Variants in ZRANB3 observed in about 807,000 individuals in gnomAD.
The protein encoded by ZRANB3 is zinc finger RANBP2-type containing 3, also known as DNA annealing helicase and endonuclease ZRANB3.
Under a neutral mutation model 133.8 loss-of-function variants are expected in ZRANB3, and 125 were observed. The observed-to-expected ratio is 0.93, with a 90% CI of 0.81 to 1.08. The LOEUF is 1.08. ZRANB3 is among the 50% of genes least tolerant of loss of function. The pLI, the probability that ZRANB3 is intolerant of heterozygous loss-of-function variation, is 0.00. For synonymous variants in ZRANB3, 387 were observed against 432.7 expected, an observed-to-expected ratio of 0.89 and a Z score of 1.31; for missense variants, 1,229 against 1,275.5, an observed-to-expected ratio of 0.96 and a Z score of 0.56.
intron 2 of ZRANB3, among the ~76,000 whole-genome samples, chr2:135,468,977 T>C (rs1691127242): frequency 6.6e-6 from 1 of 152,164 alleles, no homozygotes; most frequent in Non-Finnish European, 1.5e-5. Flanking sequence ...AATGGAACCA[T>C]ACACGTTAAA....
chr2:135,276,709 A>G (rs1680844429), intron 8 of ZRANB3, among the ~76,000 whole-genome samples: 1 of 152,208 alleles, frequency 6.6e-6, no homozygotes, highest in African/African-American at 2.4e-5. Context: ...AGAGAACTGG[A>G]GAAAAGTCAA....
chr2:135,438,355 ATTAGC>A (rs760525922), intron 2 of ZRANB3, among the ~76,000 whole-genome samples: 5 of 152,058 alleles, frequency 3.3e-5, no homozygotes, highest in Non-Finnish European at 7.4e-5. Context: ...AAATAAAAAA[ATTAGC>A]CAAGCATGGT....
intron 2 of ZRANB3, among the ~76,000 whole-genome samples, chr2:135,419,186 C>CGT (rs1688728355): frequency 6.6e-6 from 1 of 151,860 alleles, no homozygotes; most frequent in African/African-American, 2.4e-5. Flanking sequence ...ATCCACCCGC[C>CGT]TCAACCTCCC....
At chr2:135,412,025 C>G (rs1688325651) in intron 2 of ZRANB3, among the ~76,000 whole-genome samples, 1 of 152,132 alleles carries the variant, frequency 6.6e-6, no homozygotes, top group African/African-American at 2.4e-5. Flanking sequence ...CTTACTTAAA[C>G]TAAGGGCTTA....
chr2:135,424,678 A>G (rs1461766469), intron 2 of ZRANB3, among the ~76,000 whole-genome samples: 1 of 152,240 alleles, frequency 6.6e-6, no homozygotes, highest in Non-Finnish European at 1.5e-5. Flanking sequence ...GGTTGCAATG[A>G]GCCAGTATTG....
intron 1 of ZRANB3, among the ~76,000 whole-genome samples, chr2:135,526,209 G>T (rs908282869): frequency 6.8e-6 from 1 of 146,758 alleles, no homozygotes; most frequent in Non-Finnish European, 1.5e-5. Context: ...TGTCGCCCAG[G>T]CTGGAGTACA....
At chr2:135,488,226 G>C (rs1369358865) in intron 2 of ZRANB3, among the ~76,000 whole-genome samples, 1 of 151,996 alleles carries the variant, frequency 6.6e-6, no homozygotes, top group African/African-American at 2.4e-5. Flanking sequence ...ATCATTCATG[G>C]TACCCCAAAA....
At chr2:135,339,860 C>A (rs565149981) in intron 6 of ZRANB3, among the ~76,000 whole-genome samples, 1 of 151,966 alleles carries the variant, frequency 6.6e-6, no homozygotes, top group Non-Finnish European at 1.5e-5. Flanking sequence ...CTCTTTAATT[C>A]GCAACACATA....
At chr2:135,480,604 T>A (rs909097550) in intron 2 of ZRANB3, among the ~76,000 whole-genome samples, 6 of 152,070 alleles carry the variant, frequency 3.9e-5, no homozygotes, top group African/African-American at 9.7e-5. Flanking sequence ...AAAGGTTTTT[T>A]TTAATCTTTT....
chr2:135,201,757 T>C (rs750982600), intron 20 of ZRANB3, among the ~76,000 whole-genome samples: 5 of 152,064 alleles, frequency 3.3e-5, no homozygotes, highest in Non-Finnish European at 5.9e-5. Flanking sequence ...TATAACTGAT[T>C]AGCATCTTTT....
At chr2:135,377,899 T>C (rs1686498786) in intron 3 of ZRANB3, among the ~76,000 whole-genome samples, 2 of 152,126 alleles carry the variant, frequency 1.3e-5, no homozygotes, top group South Asian at 2.1e-4. Flanking sequence ...TTGGGCACAA[T>C]ATAATCAGCT....
intron 2 of ZRANB3, among the ~76,000 whole-genome samples, chr2:135,409,665 G>GA (rs1483788690): frequency 6.6e-6 from 1 of 151,972 alleles, no homozygotes; most frequent in Non-Finnish European, 1.5e-5. Flanking sequence ...GAAAGCATCC[G>GA]AAAAAGAGGA....
intron 8 of ZRANB3, among the ~76,000 whole-genome samples, chr2:135,308,863 C>T (rs1438856011): frequency 2.0e-5 from 3 of 152,092 alleles, no homozygotes; most frequent in Non-Finnish European, 4.4e-5. Flanking sequence ...TCTTCTTCCC[C>T]TTCTCCGCCA....
intron 8 of ZRANB3, among the ~76,000 whole-genome samples, chr2:135,299,985 G>C (rs1198429018): frequency 8.5e-5 from 13 of 152,132 alleles, no homozygotes; most frequent in African/African-American, 2.9e-4. Context: ...AGGATGGATA[G>C]AGACCCATTT....
chr2:135,412,123 T>A (rs907586162), intron 2 of ZRANB3, among the ~76,000 whole-genome samples: 41 of 152,188 alleles, frequency 2.7e-4, no homozygotes, highest in Admixed American at 8.5e-4. Flanking sequence ...TTGAAAAAAA[T>A]TTTTGATATA....
intron 2 of ZRANB3, among the ~76,000 whole-genome samples, chr2:135,433,094 G>T (rs1031562863): frequency 1.1e-4 from 17 of 149,916 alleles, no homozygotes; most frequent in African/African-American, 3.6e-4. Flanking sequence ...GCAGGTCTAG[G>T]TAAACTGAGG....
chr2:135,529,130 A>G (rs1694284357), intron 1 of ZRANB3, among the ~76,000 whole-genome samples: 1 of 152,228 alleles, frequency 6.6e-6, no homozygotes, highest in Non-Finnish European at 1.5e-5. Flanking sequence ...TACCATAAAT[A>G]CAACAGGATT....
At chr2:135,272,075 AT>A (rs1680544146) in intron 9 of ZRANB3, among the ~76,000 whole-genome samples, 188 bp from the exon 10 acceptor site, 2 of 152,240 alleles carry the variant, frequency 1.3e-5, no homozygotes, top group East Asian at 3.9e-4. Context: ...ACAATTTCTT[AT>A]TTTTTTAATC....
chr2:135,295,950 G>C (rs1331817052), intron 8 of ZRANB3, among the ~76,000 whole-genome samples: 1 of 152,214 alleles, frequency 6.6e-6, no homozygotes, highest in Non-Finnish European at 1.5e-5. Context: ...AAGATCTGCT[G>C]TTAGTCTGAT....
Sources: allele counts gnomAD v4.1 joint callset (sites outside exome capture counted in the v4.1 genomes callset), GRCh38; gene constraint gnomAD v4.1.1; transcripts MANE v1.5; gene names NCBI Gene and HGNC (gene_info 2026-07-23, HGNC 2026-07-21).